The following TENM2 variants were observed in gnomAD, a reference collection of about 807,000 sequenced individuals.
TENM2 encodes teneurin transmembrane protein 2, also known as teneurin-2.
TENM2 carries 52 observed loss-of-function variants against 245.2 expected under a neutral mutation model. The ratio of observed to expected loss-of-function variants is 0.21; its 90% CI spans 0.17 to 0.27. The LOEUF (loss-of-function observed/expected upper bound fraction) is 0.27. TENM2 is among the 10% of genes least tolerant of loss of function. TENM2 has a pLI of 1.00. For missense variants in TENM2, 3,046 were observed against 3,666.8 expected, an observed-to-expected ratio of 0.83 and a Z score of 4.37; for synonymous variants, 1,363 against 1,438.9, an observed-to-expected ratio of 0.95 and a Z score of 1.19.
At chr5:167,970,749 A>T (rs1375001413) in intron 4 of TENM2, among the ~76,000 whole-genome samples, 2 of 152,126 alleles carry the variant, frequency 1.3e-5, no homozygotes, top group Admixed American at 1.3e-4. Context: ...TTGTCCTAAC[A>T]TGCAACACGT....
At chr5:167,097,175 A>G in the TENM2 span, among the ~76,000 whole-genome samples, 2 of 152,026 alleles carry the variant, frequency 1.3e-5, no homozygotes, top group East Asian at 1.9e-4. Flanking sequence ...CTTGTGGCCT[A>G]TTGAGGTAAT....
chr5:167,530,625 C>G (rs761713033), intron 2 of TENM2, among the ~76,000 whole-genome samples: 7 of 152,180 alleles, frequency 4.6e-5, no homozygotes, highest in African/African-American at 7.2e-5. Context: ...AAACAAGGTT[C>G]CCCCAGATCC....
intron 2 of TENM2, among the ~76,000 whole-genome samples, chr5:167,783,173 G>GTT (rs34061894): frequency 0.12 from 16,829 of 143,600 alleles, 1,437 homozygotes; most frequent in East Asian, 0.42. Flanking sequence ...CTAGAAACAG[G>GTT]TTTTTTTTTT....
chr5:167,301,869 A>G (rs1157952330), intron 1 of TENM2, among the ~76,000 whole-genome samples: 3 of 152,182 alleles, frequency 2.0e-5, no homozygotes, highest in Non-Finnish European at 2.9e-5. Flanking sequence ...ACAAAACTGT[A>G]AGCCGGACCG....
intron 2 of TENM2, among the ~76,000 whole-genome samples, chr5:167,771,928 C>T (rs750061443): frequency 8.5e-5 from 13 of 152,248 alleles, no homozygotes; most frequent in East Asian, 1.9e-4. Context: ...GGGTGAACTA[C>T]GTATCTGAAT....
Position 167,583,249 on chromosome 5 carries a change from T to A in TENM2, c.502+207776T>A, listed in dbSNP as rs191229546. Among the ~76,000 whole-genome samples, 402 of 152,308 alleles carry A rather than the reference T, an allele frequency of 2.6e-3. 1 individual carries two copies. Among genetic ancestry groups the A allele is most frequent in the African/African-American group, 8.5e-3 (354 of 41,580 alleles). On this transcript the variant is annotated intron_variant, in intron 2 of 28. Coordinates refer to ENST00000518659, the Ensembl canonical transcript of TENM2. ...GCCTTGGCTTAGAACTTAATATGCC[T>A]TGCACACATTAATATCGCTCACACT...
chr5:167,366,734 C>G (rs1168210297), intron 1 of TENM2, among the ~76,000 whole-genome samples: 3 of 152,232 alleles, frequency 2.0e-5, no homozygotes, highest in African/African-American at 7.2e-5. Context: ...CCTTCAGTAA[C>G]TGTAAACTAA....
intron 2 of TENM2, among the ~76,000 whole-genome samples, chr5:167,740,474 TC>T (rs1428897269): frequency 1.1e-4 from 16 of 152,150 alleles, no homozygotes. Context: ...CCCTTCAATT[TC>T]CCTTTCTATA....
chr5:167,720,962 G>A (rs1246771053), intron 2 of TENM2, among the ~76,000 whole-genome samples: 5 of 152,194 alleles, frequency 3.3e-5, no homozygotes, highest in Non-Finnish European at 7.4e-5. Context: ...AGCTGCAGTC[G>A]TCTTTGCAGA....
At chr5:167,011,743 T>C in the TENM2 span, among the ~76,000 whole-genome samples, 1 of 152,218 alleles carries the variant, frequency 6.6e-6, no homozygotes, top group South Asian at 2.1e-4. Context: ...GAGAGTTATG[T>C]TGATTTCTTT....
At chr5:167,733,552 A>G (rs1760584400) in intron 2 of TENM2, among the ~76,000 whole-genome samples, 1 of 152,202 alleles carries the variant, frequency 6.6e-6, no homozygotes, top group Non-Finnish European at 1.5e-5. Context: ...AGGAGTGAAG[A>G]GGCTTTTCTG....
At chr5:167,024,632 G>A in the TENM2 span, among the ~76,000 whole-genome samples, 11 of 152,216 alleles carry the variant, frequency 7.2e-5, no homozygotes, top group South Asian at 2.1e-3. Context: ...CTTTGTGGGG[G>A]CAGAAACAAC....
intron 2 of TENM2, among the ~76,000 whole-genome samples, chr5:167,416,462 CTTAAAATATAACG>C (rs1458976599): frequency 6.6e-6 from 1 of 152,086 alleles, no homozygotes; most frequent in Non-Finnish European, 1.5e-5. Flanking sequence ...TTTTAAGCAA[CTTAAAATATAACG>C]TTACTTTTTG....
At chr5:167,351,566 A>G (rs1197499845) in intron 1 of TENM2, among the ~76,000 whole-genome samples, 1 of 152,196 alleles carries the variant, frequency 6.6e-6, no homozygotes, top group African/African-American at 2.4e-5. Context: ...TCCGGTGGAC[A>G]GTTAGTTCTC....
intron 2 of TENM2, among the ~76,000 whole-genome samples, chr5:167,627,118 G>C (rs576938515): frequency 6.6e-6 from 1 of 152,300 alleles, no homozygotes; most frequent in South Asian, 2.1e-4. Flanking sequence ...TCAATTTGTG[G>C]AATGGAGGGG....
intron 2 of TENM2, among the ~76,000 whole-genome samples, chr5:167,749,600 T>C (rs1196969031): frequency 6.6e-6 from 1 of 151,150 alleles, no homozygotes; most frequent in Admixed American, 6.6e-5. Flanking sequence ...ATCATGCCAC[T>C]GTACTCCAGC....
intron 2 of TENM2, among the ~76,000 whole-genome samples, chr5:167,663,563 T>G (rs2150330622): frequency 6.6e-6 from 1 of 152,278 alleles, no homozygotes; most frequent in Non-Finnish European, 1.5e-5. Context: ...TCTTATTTCT[T>G]ATTGTATCTA....
chr5:168,095,968 A>G (rs185251009), intron 8 of TENM2, among the ~76,000 whole-genome samples: 2 of 152,166 alleles, frequency 1.3e-5, no homozygotes, highest in African/African-American at 2.4e-5. Flanking sequence ...ATGCCAGTGC[A>G]TATGTCATGG....
intron 6 of TENM2, among the ~76,000 whole-genome samples, chr5:168,051,006 T>A (rs77535305): frequency 0.013 from 1,989 of 152,338 alleles, 39 homozygotes; most frequent in African/African-American, 0.045. Flanking sequence ...CATGGAGAAC[T>A]TTCTCTGTAG....
Sources: gnomAD v4.1 joint callset for allele counts (sites outside exome capture counted in the v4.1 genomes callset) on GRCh38, gnomAD v4.1.1 for gene constraint, MANE v1.5 for transcripts, NCBI Gene and HGNC (gene_info 2026-07-23, HGNC 2026-07-21) for gene names.